TMTC2: variants seen among roughly 807,000 people sequenced by gnomAD.
The protein encoded by TMTC2 is transmembrane O-mannosyltransferase targeting cadherins 2.
Under a neutral mutation model 82.4 loss-of-function variants are expected in TMTC2, and 43 were observed. The ratio of observed to expected loss-of-function variants is 0.52; its 90% CI spans 0.41 to 0.67. The LOEUF (loss-of-function observed/expected upper bound fraction) is 0.67, where lower values mean the gene tolerates loss of function less well. TMTC2 is among the 30% of genes least tolerant of loss of function. The pLI, the probability that TMTC2 is intolerant of heterozygous loss-of-function variation, is 0.00. For synonymous variants in TMTC2, 408 were observed against 381.9 expected, an observed-to-expected ratio of 1.07 and a Z score of -0.80; for missense variants, 919 against 1,012.4, an observed-to-expected ratio of 0.91 and a Z score of 1.25.
At chr12:82,907,826 G>A (rs1415519771) in intron 3 of TMTC2, among the ~76,000 whole-genome samples, 1 of 151,932 alleles carries the variant, frequency 6.6e-6, no homozygotes, top group East Asian at 1.9e-4. Context: ...TCTTAAAAAT[G>A]TCCTAGGCCA....
At chr12:82,888,727 T>A (rs2137167624) in intron 2 of TMTC2, among the ~76,000 whole-genome samples, 1 of 152,336 alleles carries the variant, frequency 6.6e-6, no homozygotes, top group East Asian at 1.9e-4. Context: ...TTTGAATTCC[T>A]ACAAATGTCA....
At chr12:83,042,333 C>G (rs1006673443) in intron 9 of TMTC2, among the ~76,000 whole-genome samples, 7 of 152,100 alleles carry the variant, frequency 4.6e-5, no homozygotes, top group African/African-American at 1.7e-4. Context: ...CTTACAACTC[C>G]CTAGTGTAAG....
At chr12:82,906,286 A>T (rs1421089559) in intron 3 of TMTC2, among the ~76,000 whole-genome samples, 1 of 152,212 alleles carries the variant, frequency 6.6e-6, no homozygotes, top group Admixed American at 6.5e-5. Context: ...TTCTATTATT[A>T]TATTTCACCA....
At chr12:82,787,558 T>G (rs983538652) in intron 1 of TMTC2, among the ~76,000 whole-genome samples, 4 of 152,158 alleles carry the variant, frequency 2.6e-5, no homozygotes, top group Non-Finnish European at 5.9e-5. Flanking sequence ...TTTTATGATG[T>G]CAGTATGGAT....
intron 8 of TMTC2, among the ~76,000 whole-genome samples, chr12:83,016,863 A>G (rs1880702608): frequency 6.6e-6 from 1 of 152,174 alleles, no homozygotes; most frequent in Non-Finnish European, 1.5e-5. Context: ...AACCAGGATT[A>G]TAATAGTATT....
chr12:82,915,538 A>G (rs920880350), intron 3 of TMTC2, among the ~76,000 whole-genome samples: 5 of 152,220 alleles, frequency 3.3e-5, no homozygotes, highest in African/African-American at 1.2e-4. Flanking sequence ...GCCTCGGGCC[A>G]TTAGGTGGCA....
At chr12:82,687,739 C>G (rs1453650631) in intron 1 of TMTC2, 70 bp downstream of exon 1, 2 of 1,462,844 alleles carry the variant, frequency 1.4e-6, no homozygotes, top group African/African-American at 2.8e-5. Flanking sequence ...AAGCTTCCCT[C>G]TTTAAGGCTC....
At chr12:82,867,564 G>A (rs1025607948) in intron 2 of TMTC2, among the ~76,000 whole-genome samples, 30 of 152,022 alleles carry the variant, frequency 2.0e-4, no homozygotes, top group Non-Finnish European at 1.5e-5. Context: ...GTACAAATAA[G>A]TACTTTTAAT....
At chr12:82,888,067 G>A (rs1703094) in intron 2 of TMTC2, among the ~76,000 whole-genome samples, 18,771 of 151,856 alleles carry the variant, frequency 0.12, 2,376 homozygotes, top group African/African-American at 0.32. Context: ...TAACAAGAGC[G>A]AAACTCTATC....
intron 7 of TMTC2, among the ~76,000 whole-genome samples, chr12:82,973,246 A>T (rs1175627310): frequency 3.3e-5 from 5 of 152,190 alleles, no homozygotes; most frequent in Admixed American, 2.0e-4. Flanking sequence ...ATATGACCAT[A>T]TAACTGGATT....
At chr12:82,725,740 G>A (rs942601217) in intron 1 of TMTC2, among the ~76,000 whole-genome samples, 2 of 152,154 alleles carry the variant, frequency 1.3e-5, no homozygotes, top group East Asian at 1.9e-4. Context: ...GGGACAGTTC[G>A]AAACCAGGGG....
At chr12:82,894,615 G>A (rs1406684861) in intron 2 of TMTC2, among the ~76,000 whole-genome samples, 1 of 152,086 alleles carries the variant, frequency 6.6e-6, no homozygotes, top group Non-Finnish European at 1.5e-5. Flanking sequence ...GTTGGGATAT[G>A]GTGCCCATTT....
chr12:82,999,972 G>T (rs1404061191), intron 8 of TMTC2, among the ~76,000 whole-genome samples: 4 of 152,146 alleles, frequency 2.6e-5, no homozygotes, highest in Non-Finnish European at 4.4e-5. Flanking sequence ...CTGAGACAAG[G>T]CACGTCCCTT....
chr12:83,096,098 G>T (rs532607755), intron 11 of TMTC2, among the ~76,000 whole-genome samples: 3 of 152,316 alleles, frequency 2.0e-5, no homozygotes, highest in South Asian at 4.1e-4. Flanking sequence ...ATTCAAATAT[G>T]CCTTCTACAT....
intron 1 of TMTC2, among the ~76,000 whole-genome samples, chr12:82,833,788 A>G (rs1869879849): frequency 1.3e-5 from 2 of 152,192 alleles, no homozygotes; most frequent in African/African-American, 4.8e-5. Context: ...GGTTTCCAAA[A>G]CGTGAGGCAA....
At chr12:82,781,835 A>G (rs1012101679) in intron 1 of TMTC2, among the ~76,000 whole-genome samples, 8 of 150,956 alleles carry the variant, frequency 5.3e-5, no homozygotes, top group African/African-American at 1.5e-4. Context: ...GGGCTGGGGT[A>G]GTTTGACCTC....
chr12:82,885,069 CTT>C (rs572580486), intron 2 of TMTC2, among the ~76,000 whole-genome samples: 9 of 141,088 alleles, frequency 6.4e-5, no homozygotes, highest in Non-Finnish European at 7.8e-5. Context: ...GATTTTTGTA[CTT>C]TTTTTTTTTT....
At chr12:82,947,345 CTTT>C (rs1195188141) in intron 4 of TMTC2, among the ~76,000 whole-genome samples, 3 of 134,380 alleles carry the variant, frequency 2.2e-5, no homozygotes, top group Admixed American at 7.5e-5. Flanking sequence ...CTTTTTTTTT[CTTT>C]TTTTTTTTTT....
Position 82,872,004 on chromosome 12 carries a change from CA to C in TMTC2, c.654+14425del, listed in dbSNP as rs1440628514. On this transcript the variant is annotated intron_variant, in intron 2 of 11. Transcript: ENST00000321196. ...TCCATATTACAAAAAAGTTGAACAACACCCCCCCCCCCGCCCACACCCCGCA... is the reference window on the plus strand; with the variant it reads ...TCCATATTACAAAAAAGTTGAACAACCCCCCCCCCCCGCCCACACCCCGCA... Among the ~76,000 whole-genome samples, 323 of 102,958 alleles carry C rather than the reference CA, an allele frequency of 3.1e-3. 2 individuals carry two copies. Among genetic ancestry groups the C allele is most frequent in the African/African-American group, 0.018 (301 of 16,962 alleles). The allele number at this position is 102,958 out of a possible 152,430, so 67.5% of individuals were successfully genotyped here. A position where few individuals can be genotyped will look rare whatever the true frequency, so the allele number is the denominator to read the frequency against.
Sources: allele counts gnomAD v4.1 joint callset (sites outside exome capture counted in the v4.1 genomes callset), GRCh38; gene constraint gnomAD v4.1.1; transcripts MANE v1.5; gene names NCBI Gene and HGNC (gene_info 2026-07-23, HGNC 2026-07-21).